ARFGEF1: variants seen among roughly 807,000 people sequenced by gnomAD.
The protein encoded by ARFGEF1 is ARF guanine nucleotide exchange factor 1.
A neutral mutation model predicts 231.0 loss-of-function variants in ARFGEF1; 42 were observed. The ratio of observed to expected loss-of-function variants is 0.18; its 90% CI spans 0.14 to 0.24. The LOEUF is 0.24. Among genes scored for constraint, ARFGEF1 ranks in the 10% least tolerant of loss-of-function variants. ARFGEF1 has a pLI of 1.00. For missense variants in ARFGEF1, 1,345 were observed against 2,192.0 expected, an observed-to-expected ratio of 0.61 and a Z score of 7.72; for synonymous variants, 710 against 732.3, an observed-to-expected ratio of 0.97 and a Z score of 0.49.
chr8:67,310,153 G>T (rs2128920858), intron 1 of ARFGEF1, among the ~76,000 whole-genome samples: 1 of 151,986 alleles, frequency 6.6e-6, no homozygotes, highest in South Asian at 2.1e-4. Flanking sequence ...TCCCTCTCAT[G>T]CGGAGCCGAA....
At chr8:67,335,669 T>C (rs1442465764) in intron 1 of ARFGEF1, among the ~76,000 whole-genome samples, 1 of 152,140 alleles carries the variant, frequency 6.6e-6, no homozygotes, top group Non-Finnish European at 1.5e-5. Context: ...AATGTACACA[T>C]TTTTGTTAAG....
Position 67,338,734 on chromosome 8 carries a change from T to C in ARFGEF1, c.124+4430A>G, listed in dbSNP as rs563024715. On this transcript the variant is annotated intron_variant, in intron 1 of 38. Coordinates refer to ENST00000262215, the MANE Select transcript of ARFGEF1 (RefSeq NM_006421.5). ...AATCTTTCGGTTATGTCATTAATTATACTCTTTTCTTCTACCCATCTCAAA... is the reference window on the plus strand; with the variant it reads ...AATCTTTCGGTTATGTCATTAATTACACTCTTTTCTTCTACCCATCTCAAA... 7.2e-5 allele frequency among the ~76,000 whole-genome samples: 11 copies of C among 152,382 alleles called. No homozygotes were observed. In the East Asian group the frequency reaches 2.1e-3, roughly 29 times the overall value.
chr8:67,278,980 T>C (rs894188385), intron 7 of ARFGEF1, among the ~76,000 whole-genome samples: 6 of 152,128 alleles, frequency 3.9e-5, no homozygotes, highest in African/African-American at 1.4e-4. Context: ...AGAAAATGCA[T>C]AGGCCAGGCA....
intron 5 of ARFGEF1, among the ~76,000 whole-genome samples, chr8:67,179,552 A>G (rs1586785086): frequency 6.6e-6 from 1 of 152,234 alleles, no homozygotes; most frequent in East Asian, 1.9e-4. Context: ...ATCAGTCATA[A>G]TGTGATCCTT....
At chr8:67,302,584 T>G in intron 1 of ARFGEF1, 118 bp from the exon 2 acceptor site, 1 of 642,040 alleles carries the variant, frequency 1.6e-6, no homozygotes, top group Non-Finnish European at 2.5e-6. Context: ...AGAATGCAAA[T>G]TTAATAAAAA....
intron 1 of ARFGEF1, among the ~76,000 whole-genome samples, chr8:67,341,425 CAAAAAAAAAAAAA>C (rs1186065653): frequency 1.1e-5 from 1 of 87,946 alleles, no homozygotes; most frequent in Non-Finnish European, 2.3e-5. Flanking sequence ...CCATCTCCAC[CAAAAAAAAAAAAA>C]AAAAAAAAAA....
At chr8:67,257,460 A>T (rs558207686) in intron 17 of ARFGEF1, among the ~76,000 whole-genome samples, 1 of 152,310 alleles carries the variant, frequency 6.6e-6, no homozygotes, top group South Asian at 2.1e-4. Flanking sequence ...AGACCTATAA[A>T]TGTCTTGTTA....
chr8:67,227,110 C>A, intron 27 of ARFGEF1, 27 bp downstream of exon 27: 2 of 1,541,816 alleles, frequency 1.3e-6, no homozygotes, highest in Non-Finnish European at 8.8e-7. Context: ...TTTCCTTTTA[C>A]TTGAACACAG....
At chr8:67,261,897 C>T (rs1325221061) in intron 14 of ARFGEF1, among the ~76,000 whole-genome samples, 1 of 149,626 alleles carries the variant, frequency 6.7e-6, no homozygotes. Flanking sequence ...ATCTTGAACT[C>T]CTGGTCTCAG....
At chr8:67,337,431 T>C (rs1808401406) in intron 1 of ARFGEF1, among the ~76,000 whole-genome samples, 1 of 152,068 alleles carries the variant, frequency 6.6e-6, no homozygotes, top group African/African-American at 2.4e-5. Context: ...TTCCAAAATA[T>C]ATTCCAAATG....
At chr8:67,216,814 C>A in intron 32 of ARFGEF1, 152 bp from the exon 33 acceptor site, 1 of 494,930 alleles carries the variant, frequency 2.0e-6, no homozygotes, top group Non-Finnish European at 3.5e-6. Context: ...TCCTAAAAAA[C>A]ATCTAGTAAA....
chr8:67,244,702 AAAG>A (rs1328781395), intron 19 of ARFGEF1, among the ~76,000 whole-genome samples: 2 of 150,332 alleles, frequency 1.3e-5, no homozygotes, highest in African/African-American at 2.5e-5. Context: ...ACAAAAGAAA[AAAG>A]AATGAAGCAC....
At chr8:67,273,105 T>A (rs1431240018) in intron 9 of ARFGEF1, among the ~76,000 whole-genome samples, 1 of 152,018 alleles carries the variant, frequency 6.6e-6, no homozygotes, top group Non-Finnish European at 1.5e-5. Context: ...AGACTCCGTG[T>A]CCAAAAAATA....
At chr8:67,196,397 G>GT (rs1394526247), downstream of ARFGEF1, 10 of 152,312 alleles carry the variant, frequency 6.6e-5, no homozygotes, top group African/African-American at 2.4e-4. Flanking sequence ...GTGAGTCCAT[G>GT]TGAGTTTTCT....
intron 5 of ARFGEF1, among the ~76,000 whole-genome samples, chr8:67,184,993 T>G (rs1264495016): frequency 4.1e-5 from 6 of 145,512 alleles, no homozygotes; most frequent in African/African-American, 7.6e-5. Flanking sequence ...AAGTCCCAGC[T>G]GCTCGGGAGG....
intron 5 of ARFGEF1, among the ~76,000 whole-genome samples, chr8:67,191,125 G>A (rs1207906332): frequency 2.6e-5 from 4 of 152,052 alleles, no homozygotes; most frequent in Admixed American, 6.5e-5. Flanking sequence ...CCTTCATTTC[G>A]GTCAAATGAC....
At chr8:67,251,549 A>C (rs750626807) in intron 18 of ARFGEF1, 99 bp from the exon 19 acceptor site, 94 of 1,178,738 alleles carry the variant, frequency 8.0e-5, no homozygotes, top group Non-Finnish European at 1.0e-4. Flanking sequence ...AGTAATTAAA[A>C]GTAATCCTAA....
intron 1 of ARFGEF1, among the ~76,000 whole-genome samples, chr8:67,323,153 G>A (rs1281454655): frequency 6.6e-6 from 1 of 152,166 alleles, no homozygotes; most frequent in Non-Finnish European, 1.5e-5. Flanking sequence ...TCGGGAGGCT[G>A]AGGCAGGAGA....
At chr8:67,287,861 A>T in intron 7 of ARFGEF1, 94 bp downstream of exon 7, 1 of 853,292 alleles carries the variant, frequency 1.2e-6, no homozygotes, top group South Asian at 3.6e-5. Flanking sequence ...CAAACGTTTT[A>T]ATTTTGCCCT....
Sources: gnomAD v4.1 joint callset for allele counts (sites outside exome capture counted in the v4.1 genomes callset) on GRCh38, gnomAD v4.1.1 for gene constraint, MANE v1.5 for transcripts, NCBI Gene and HGNC (gene_info 2026-07-23, HGNC 2026-07-21) for gene names.